DLG1: variants seen among roughly 807,000 people sequenced by gnomAD.
DLG1 encodes the protein disks large homolog 1.
In DLG1, 42 loss-of-function variants were observed where a neutral mutation model predicts 123.4. The observed-to-expected ratio is 0.34, with a 90% CI of 0.27 to 0.44. The LOEUF (loss-of-function observed/expected upper bound fraction) is 0.44. Ranked by LOEUF, DLG1 falls within the 20% of genes least tolerant of loss-of-function variation. DLG1 has a pLI of 1.00. For synonymous variants in DLG1, 317 were observed against 356.2 expected (o/e 0.89, Z 1.24); for missense variants, 942 against 1,082.6 (o/e 0.87, Z 1.82).
chr3:197,137,220 C>A (rs1443276877), intron 9 of DLG1, among the ~76,000 whole-genome samples: 2 of 152,148 alleles, frequency 1.3e-5, no homozygotes, highest in African/African-American at 4.8e-5. Flanking sequence ...TTGTTGACAT[C>A]CTCCCTCTTC....
At chr3:197,180,070 G>A (rs1168958084) in intron 5 of DLG1, among the ~76,000 whole-genome samples, 1 of 56,524 alleles carries the variant, frequency 1.8e-5, no homozygotes, top group Admixed American at 1.5e-4. Context: ...TTTTTTTTGG[G>A]GGGGGGGGGG....
intron 14 of DLG1, among the ~76,000 whole-genome samples, chr3:197,099,332 T>C (rs1385613221): frequency 6.6e-6 from 1 of 152,246 alleles, no homozygotes; most frequent in East Asian, 1.9e-4. Flanking sequence ...CCCGAAGTGC[T>C]AACCACTACA....
intron 24 of DLG1, among the ~76,000 whole-genome samples, chr3:197,049,866 C>T (rs1333969862): frequency 6.6e-6 from 1 of 152,038 alleles, no homozygotes; most frequent in Non-Finnish European, 1.5e-5. Context: ...AGTTTGAGAC[C>T]AGCCTAGGCA....
chr3:197,218,827 G>C (rs1166625125), intron 4 of DLG1, among the ~76,000 whole-genome samples: 2 of 152,146 alleles, frequency 1.3e-5, no homozygotes, highest in African/African-American at 2.4e-5. Flanking sequence ...AACACACACA[G>C]ATGCATTTTG....
At chr3:197,260,407 A>G (rs923962380) in intron 4 of DLG1, 9 of 312,096 alleles carry the variant, frequency 2.9e-5, no homozygotes, top group Non-Finnish European at 5.6e-5. Flanking sequence ...TGAAGAAGTT[A>G]TAACTGTAAC....
In DLG1 at chr3:197,050,139, G is replaced by A. The variant is rs555720769; in HGVS notation, c.2575+1438C>T. Reference sequence around the variant, plus strand: ...TCCCAGCAATTTGGGAGGCCGAGTCGGGTGGATCACGAGGTCAGGAGATCA... The same window carrying A: ...TCCCAGCAATTTGGGAGGCCGAGTCAGGTGGATCACGAGGTCAGGAGATCA... On this transcript the variant is annotated intron_variant, in intron 24 of 24. Coordinates refer to ENST00000667157, the MANE Select transcript of DLG1 (RefSeq NM_001366207.1). Among the ~76,000 whole-genome samples the A allele has an allele frequency of 1.2e-4, 19 of 152,146 alleles. No individual in the cohort carries two copies. The East Asian group carries it at 1.7e-3, about 14-fold the overall frequency.
In DLG1 at chr3:197,273,768, A is replaced by T. The variant is rs1478971112; in HGVS notation, c.318+8911T>A. Among the ~76,000 whole-genome samples, 6 of 148,664 alleles carry T rather than the reference A, an allele frequency of 4.0e-5. No homozygotes were observed. In the East Asian group the frequency reaches 1.2e-3, roughly 31 times the overall value. On this transcript the variant is annotated intron_variant, in intron 4 of 24. Transcript: ENST00000667157. ...AGCTGTATGCAAAAATTAACATAAA[A>T]AAATCAGTAGTATTTCTATAGACCA...
chr3:197,134,586 C>T (rs1784212631), intron 10 of DLG1, among the ~76,000 whole-genome samples: 1 of 151,420 alleles, frequency 6.6e-6, no homozygotes, highest in South Asian at 2.1e-4. Context: ...TGTGCCTTTT[C>T]AGATTCTGCT....
At chr3:197,157,777 C>T (rs947085623) in intron 5 of DLG1, among the ~76,000 whole-genome samples, 2 of 152,162 alleles carry the variant, frequency 1.3e-5, no homozygotes, top group African/African-American at 4.8e-5. Flanking sequence ...GCTAACACTT[C>T]CTGATTCCAA....
At chr3:197,199,618 T>G (rs1724547824) in intron 4 of DLG1, among the ~76,000 whole-genome samples, 1 of 152,152 alleles carries the variant, frequency 6.6e-6, no homozygotes, top group Non-Finnish European at 1.5e-5. Context: ...AAGAGAAACC[T>G]TGGGTTCATT....
intron 4 of DLG1, among the ~76,000 whole-genome samples, chr3:197,195,320 TA>T (rs1172407080): frequency 1.5e-4 from 23 of 151,370 alleles, no homozygotes; most frequent in Middle Eastern, 3.4e-3. Context: ...CATAAAGTGA[TA>T]TTTTTTTAAA....
chr3:197,168,945 T>C (rs1037256763), intron 5 of DLG1, among the ~76,000 whole-genome samples: 1 of 152,240 alleles, frequency 6.6e-6, no homozygotes, highest in African/African-American at 2.4e-5. Context: ...ATTGGATATA[T>C]TGTACATATT....
chr3:197,175,955 C>T (rs1561252370), intron 5 of DLG1, among the ~76,000 whole-genome samples: 1 of 152,118 alleles, frequency 6.6e-6, no homozygotes, highest in Non-Finnish European at 1.5e-5. Flanking sequence ...TAAAGGTTAA[C>T]TTTAAAACTT....
chr3:197,076,798 T>C (rs1747591642), intron 17 of DLG1, 113 bp from the exon 18 acceptor site: 2 of 543,150 alleles, frequency 3.7e-6, no homozygotes, highest in Non-Finnish European at 6.5e-6. Context: ...GTGCAGTTTG[T>C]ATATGATTTT....
chr3:197,055,989 A>G (rs1416203943), intron 23 of DLG1, among the ~76,000 whole-genome samples: 1 of 152,192 alleles, frequency 6.6e-6, no homozygotes, highest in African/African-American at 2.4e-5. Flanking sequence ...AACCCTATGC[A>G]AAGCTGCTTG....
intron 11 of DLG1, among the ~76,000 whole-genome samples, chr3:197,127,686 T>C (rs1227760515): frequency 2.0e-5 from 3 of 151,256 alleles, no homozygotes; most frequent in Non-Finnish European, 2.9e-5. Context: ...TTTCTCAAAG[T>C]GCAGGCCATG....
intron 13 of DLG1, among the ~76,000 whole-genome samples, chr3:197,109,948 C>T (rs1004686715): frequency 3.3e-5 from 5 of 152,060 alleles, no homozygotes; most frequent in South Asian, 2.1e-4. Flanking sequence ...TTAGACAGTT[C>T]GATTGTAATG....
chr3:197,231,630 G>T (rs1244709011), intron 4 of DLG1, among the ~76,000 whole-genome samples: 1 of 151,362 alleles, frequency 6.6e-6, no homozygotes, highest in Non-Finnish European at 1.5e-5. Context: ...AGTCTGGGAG[G>T]TGAAGGTTGC....
At chr3:197,066,617 A>AT in intron 20 of DLG1, 87 bp downstream of exon 20, 2 of 1,023,468 alleles carry the variant, frequency 2.0e-6, no homozygotes, top group Admixed American at 2.4e-5. Flanking sequence ...TTAATACAAC[A>AT]TTTTTTGGGG....
Sources: gnomAD v4.1 joint callset for allele counts (sites outside exome capture counted in the v4.1 genomes callset) on GRCh38, gnomAD v4.1.1 for gene constraint, MANE v1.5 for transcripts, NCBI Gene and HGNC (gene_info 2026-07-23, HGNC 2026-07-21) for gene names.